Variants in RARB observed in about 807,000 individuals in gnomAD.
RARB encodes the protein retinoic acid receptor beta.
A neutral mutation model predicts 51.9 loss-of-function variants in RARB; 17 were observed. The observed-to-expected ratio is 0.33, with a 90% CI of 0.22 to 0.49. The LOEUF is 0.49. Ranked by LOEUF, RARB falls within the 20% of genes least tolerant of loss-of-function variation. The probability of loss-of-function intolerance (pLI) is 0.99; values close to 1 mark genes in which losing one functional copy is unlikely to be tolerated. For missense variants in RARB, 369 were observed against 550.8 expected, an observed-to-expected ratio of 0.67 and a Z score of 3.30; for synonymous variants, 215 against 195.4, an observed-to-expected ratio of 1.10 and a Z score of -0.84.
chr3:25,291,619 T>C (rs762255468), intron 5 of RARB, among the ~76,000 whole-genome samples: 2 of 152,080 alleles, frequency 1.3e-5, no homozygotes, highest in Non-Finnish European at 2.9e-5. Flanking sequence ...AGGATCTCTA[T>C]AGCAACCAAA....
At position 24,915,162 on chromosome 3, in the gene RARB, C is replaced by A. The variant is rs1008933910; in HGVS notation, c.-380+56410C>A. On this transcript the variant is annotated intron_variant, in intron 2 of 11. Transcript: ENST00000383772. ...CAAGAGATACAAAAGTTGAAGAAAA[C>A]AAAAACAAACTTTTTTTTGAAAGAG... Among the ~76,000 whole-genome samples, 3 of 152,114 alleles carry A rather than the reference C, an allele frequency of 2.0e-5. No homozygotes were observed. The East Asian group carries it at 5.8e-4, about 29-fold the overall frequency.
At chr3:25,165,836 C>T (rs1361294236) in intron 4 of RARB, among the ~76,000 whole-genome samples, 1 of 152,150 alleles carries the variant, frequency 6.6e-6, no homozygotes, top group African/African-American at 2.4e-5. Context: ...GAAGTAAAAT[C>T]TCAGTGTTTT....
intron 3 of RARB, among the ~76,000 whole-genome samples, chr3:25,506,920 A>G (rs1697634759): frequency 1.3e-5 from 2 of 152,194 alleles, no homozygotes; most frequent in Non-Finnish European, 2.9e-5. Context: ...TATGAGCCGT[A>G]TGTCTCCATT....
At chr3:24,998,061 A>T (rs752139034) in intron 2 of RARB, among the ~76,000 whole-genome samples, 1 of 152,114 alleles carries the variant, frequency 6.6e-6, no homozygotes, top group Non-Finnish European at 1.5e-5. Flanking sequence ...TGGGTTTTAT[A>T]GACTGTTTAC....
intron 5 of RARB, among the ~76,000 whole-genome samples, chr3:25,267,788 G>C (rs894251397): frequency 5.3e-5 from 8 of 152,216 alleles, no homozygotes; most frequent in Middle Eastern, 3.4e-3. Flanking sequence ...TCCAGTATTT[G>C]GTTAAATATA....
chr3:24,963,974 G>A (rs970257912), intron 2 of RARB, among the ~76,000 whole-genome samples: 1 of 152,132 alleles, frequency 6.6e-6, no homozygotes, highest in African/African-American at 2.4e-5. Flanking sequence ...CCAGCAGAGG[G>A]CTTCCATACC....
In RARB at chr3:25,074,148, A is replaced by T. The variant is rs372888035; in HGVS notation, c.-328+13972A>T. On this transcript the variant is annotated intron_variant, in intron 3 of 11. Coordinates refer to the RARB transcript ENST00000383772. ...GGATCAAATTAAAGTGTATGTTTTC[A>T]ATTCATAATTTATCACAATGGAAAA... 1.1e-4 allele frequency among the ~76,000 whole-genome samples: 16 copies of T among 152,232 alleles called. 1 individual carries two copies. The highest frequency in any genetic ancestry group is 9.6e-4 in the East Asian group (5 of 5,200).
At chr3:25,136,100 T>C (rs890634216) in intron 4 of RARB, among the ~76,000 whole-genome samples, 2 of 151,928 alleles carry the variant, frequency 1.3e-5, no homozygotes, top group African/African-American at 4.8e-5. Context: ...AATATAAGAA[T>C]AACGTGCTGT....
chr3:25,261,331 G>A (rs752779056), intron 5 of RARB, among the ~76,000 whole-genome samples: 6 of 151,686 alleles, frequency 4.0e-5, no homozygotes, highest in Non-Finnish European at 5.9e-5. Context: ...CTATTCCCTT[G>A]GCTCCTAGAA....
intron 2 of RARB, among the ~76,000 whole-genome samples, chr3:24,990,242 T>G (rs1442334716): frequency 1.0e-5 from 1 of 96,340 alleles, no homozygotes; most frequent in African/African-American, 4.1e-5. Flanking sequence ...TAGTTACATA[T>G]GTATACATGT....
chr3:25,111,893 C>A (rs746382057), intron 3 of RARB, among the ~76,000 whole-genome samples: 1 of 151,972 alleles, frequency 6.6e-6, no homozygotes, highest in Non-Finnish European at 1.5e-5. Context: ...ATTTTATATT[C>A]ATTTCCCCCC....
intron 5 of RARB, chr3:25,259,837 G>C: frequency 1.1e-6 from 1 of 872,334 alleles, no homozygotes; most frequent in Non-Finnish European, 1.4e-6. Flanking sequence ...AGAGCTCTTG[G>C]TATCTGTCAT....
chr3:25,314,084 A>T (rs1256349846), intron 5 of RARB, among the ~76,000 whole-genome samples: 1 of 152,120 alleles, frequency 6.6e-6, no homozygotes, highest in African/African-American at 2.4e-5. Context: ...AACAAAAAAA[A>T]ATTAATTAAT....
At chr3:24,977,417 T>A (rs1420650747) in intron 2 of RARB, among the ~76,000 whole-genome samples, 1 of 152,218 alleles carries the variant, frequency 6.6e-6, no homozygotes, top group Non-Finnish European at 1.5e-5. Flanking sequence ...TCCATTTGTT[T>A]GTGTCCTCTT....
chr3:25,165,174 C>T (rs746419151), intron 4 of RARB, among the ~76,000 whole-genome samples: 1 of 152,104 alleles, frequency 6.6e-6, no homozygotes, highest in Non-Finnish European at 1.5e-5. Context: ...GAATGCCGTT[C>T]TTGACACTAA....
chr3:25,421,870 A>T (rs936048314), intron 5 of RARB, among the ~76,000 whole-genome samples: 1 of 152,190 alleles, frequency 6.6e-6, no homozygotes, highest in Non-Finnish European at 1.5e-5. Context: ...GTTTAAACAC[A>T]GGTAGTGTCT....
intron 2 of RARB, among the ~76,000 whole-genome samples, chr3:25,035,428 T>A: frequency 2.4e-5 from 1 of 41,944 alleles, no homozygotes; most frequent in South Asian, 5.9e-4. Flanking sequence ...AGCCTTTTTT[T>A]TTTTTTTTTT....
chr3:24,958,256 T>TTTTGTTTTTTTTTTTTG (rs1491521409), intron 2 of RARB, among the ~76,000 whole-genome samples: 1 of 24,062 alleles, frequency 4.2e-5, no homozygotes, highest in African/African-American at 3.6e-4. Context: ...GCTGCTCAGG[T>TTTTGTTTTTTTTTTTTG]TTTTTTTTTT....
intron 1 of RARB, among the ~76,000 whole-genome samples, chr3:25,447,077 G>A (rs965273753): frequency 1.3e-5 from 2 of 152,110 alleles, no homozygotes; most frequent in East Asian, 1.9e-4. Flanking sequence ...TTAGGAGGCA[G>A]CAAATGGGGT....
Sources: allele counts gnomAD v4.1 joint callset (sites outside exome capture counted in the v4.1 genomes callset), GRCh38; gene constraint gnomAD v4.1.1; transcripts MANE v1.5; gene names NCBI Gene and HGNC (gene_info 2026-07-23, HGNC 2026-07-21).